Variants in APBA1 observed in about 807,000 individuals in gnomAD.
APBA1 encodes the protein amyloid-beta A4 precursor protein-binding family A member 1.
A neutral mutation model predicts 86.6 loss-of-function variants in APBA1; 55 were observed. The ratio of observed to expected loss-of-function variants is 0.64; its 90% CI spans 0.51 to 0.80. The LOEUF (loss-of-function observed/expected upper bound fraction) is 0.80, where lower values mean the gene tolerates loss of function less well. Ranked by LOEUF, APBA1 falls within the 30% of genes least tolerant of loss-of-function variation. APBA1 has a pLI of 0.00. For synonymous variants in APBA1, 511 were observed against 493.9 expected (o/e 1.03, Z -0.46); for missense variants, 1,090 against 1,183.0 (o/e 0.92, Z 1.15).
At chr9:69,621,662 G>A (rs768297956) in intron 1 of APBA1, among the ~76,000 whole-genome samples, 1 of 150,148 alleles carries the variant, frequency 6.7e-6, no homozygotes, top group Non-Finnish European at 1.5e-5. Context: ...CAGCAGTTGT[G>A]GGATCAAATA....
intron 2 of APBA1, among the ~76,000 whole-genome samples, chr9:69,515,749 G>A (rs909093842): frequency 1.5e-4 from 23 of 150,106 alleles, no homozygotes; most frequent in African/African-American, 4.7e-4. Context: ...TTCTCACAAG[G>A]TCTCCAGGCA....
At chr9:69,564,178 A>G (rs1301960552) in intron 1 of APBA1, among the ~76,000 whole-genome samples, 1 of 152,164 alleles carries the variant, frequency 6.6e-6, no homozygotes, top group African/African-American at 2.4e-5. Flanking sequence ...CTCATACCCA[A>G]ATGCAGTTAA....
rs570200777 is a variant in APBA1 at position 69,561,204 on chromosome 9, G to A, written c.-69-43925C>T. Among the ~76,000 whole-genome samples the A allele has an allele frequency of 9.2e-5, 14 of 152,286 alleles. No individual in the cohort carries two copies. The South Asian group carries it at 2.7e-3, about 29-fold the overall frequency. On this transcript the variant is annotated intron_variant, in intron 1 of 12. Transcript: ENST00000265381. ...ATGAGATAAAGGCTTGCCCCAGAAC[G>A]TAAATCAATGCATGTGCTTCTTTCA...
intron 2 of APBA1, among the ~76,000 whole-genome samples, chr9:69,511,742 C>A (rs1836046240): frequency 6.6e-6 from 1 of 151,580 alleles, no homozygotes; most frequent in South Asian, 2.1e-4. Flanking sequence ...ACTATGCAGC[C>A]ATAAAAAATG....
chr9:69,523,364 A>G (rs776872881), intron 1 of APBA1, among the ~76,000 whole-genome samples: 13 of 151,370 alleles, frequency 8.6e-5, no homozygotes, highest in Non-Finnish European at 1.8e-4. Flanking sequence ...ATCTTAACAC[A>G]GAGAGAAGTT....
chr9:69,519,521 A>C (rs1202451627), intron 1 of APBA1, among the ~76,000 whole-genome samples: 9 of 152,264 alleles, frequency 5.9e-5, no homozygotes, highest in Admixed American at 5.9e-4. Flanking sequence ...CCTTCATTAA[A>C]TCTACATTGG....
rs994646013 is a variant in APBA1, at chr9:69,620,676, C to CA, written c.-70+51476dup. Among the ~76,000 whole-genome samples, 18 of 151,414 alleles carry CA rather than the reference C, an allele frequency of 1.2e-4. No homozygotes were observed. The South Asian group carries it at 1.5e-3, about 12-fold the overall frequency. On this transcript the variant is annotated intron_variant, in intron 1 of 12. Transcript: ENST00000265381. ...TGGGCGACAGAGCGAGACTCCATCT[C>CA]AAAAAAAACAAAACAAAACTGAGAG...
intron 2 of APBA1, among the ~76,000 whole-genome samples, chr9:69,498,836 T>C (rs958259319): frequency 1.3e-5 from 2 of 152,160 alleles, no homozygotes; most frequent in Non-Finnish European, 1.5e-5. Context: ...ATGTAGCTAG[T>C]GTTCAATGAA....
intron 8 of APBA1, among the ~76,000 whole-genome samples, chr9:69,454,081 G>A (rs1363738507): frequency 6.6e-6 from 1 of 152,182 alleles, no homozygotes; most frequent in Non-Finnish European, 1.5e-5. Flanking sequence ...CTAGAGCGGT[G>A]TTTTAAAAAC....
rs903486742 is a variant in APBA1 at position 69,541,260 on chromosome 9, C to A, written c.-69-23981G>T. Among the ~76,000 whole-genome samples, 5 of 146,252 alleles carry A rather than the reference C, an allele frequency of 3.4e-5. No individual in the cohort carries two copies. The East Asian group carries it at 1.0e-3, about 30-fold the overall frequency. On this transcript the variant is annotated intron_variant, in intron 1 of 12. Coordinates refer to ENST00000265381, the MANE Select transcript of APBA1 (RefSeq NM_001163.4). ...TTTAATTGTTTTAGGGACCCCCCCC[C>A]CCATTCTGTTTTCTATATCAGCCGA...
chr9:69,621,561 T>A (rs947383238), intron 1 of APBA1, among the ~76,000 whole-genome samples: 2 of 152,252 alleles, frequency 1.3e-5, no homozygotes, highest in Admixed American at 6.5e-5. Context: ...ACTTATTAAC[T>A]GTGGGTCTAT....
chr9:69,517,273 C>A lies in APBA1; in HGVS notation c.-63G>T. On this transcript the variant is annotated 5_prime_UTR_variant, in exon 2 of 13. Coordinates refer to ENST00000265381, the MANE Select transcript of APBA1 (RefSeq NM_001163.4). The stretch of plus-strand genomic sequence containing the variant: ...GGCTCACTGCGCTCTCATTTTGCTC[C>A]ACTGGGCTGGAAAAACAAGAAGGGG... 7.1e-7 allele frequency: 1 copy of A among 1,410,878 alleles called. No individual in the cohort carries two copies. The highest frequency in any genetic ancestry group is 9.2e-7 in the Non-Finnish European group (1 of 1,086,058). 87.4% of individuals were successfully genotyped at this position (1,410,878 alleles called of 1,614,324 possible). A position where few individuals can be genotyped will look rare whatever the true frequency, so the allele number is the denominator to read the frequency against.
At chr9:69,484,094 A>G (rs1835568912) in intron 2 of APBA1, among the ~76,000 whole-genome samples, 1 of 152,060 alleles carries the variant, frequency 6.6e-6, no homozygotes, top group South Asian at 2.1e-4. Context: ...CCCCAGGGAA[A>G]CTGGTGCAGC....
chr9:69,671,928 G>C (rs1477584064), intron 1 of APBA1, among the ~76,000 whole-genome samples: 3 of 152,130 alleles, frequency 2.0e-5, no homozygotes, highest in Non-Finnish European at 4.4e-5. Flanking sequence ...AGCGGGCACC[G>C]GACCCCAGGC....
rs1211923814 is a variant in APBA1 at position 69,517,149 on chromosome 9, A to C, written c.62T>G (p.Val21Gly). 2 of 1,559,348 alleles carry C rather than the reference A, an allele frequency of 1.3e-6. No individual in the cohort carries two copies. Among genetic ancestry groups the C allele is most frequent in the South Asian group, 1.2e-5 (1 of 83,620 alleles). Residue 21 changes from valine (V) to glycine (G), a missense_variant, in exon 2 of 13, where the codon GTG (valine) becomes GGG (glycine). By Grantham distance (109) the Val-to-Gly change is moderately radical. Around this residue, in one of 6 missense-constraint regions of APBA1, gnomAD observed 678 missense variants for 647.1 expected, o/e 1.05. Transcript: ENST00000265381. ...EVTDEAAGGE[V>G]NESVEADLEH... ...CAGGTCGGCCTCCACCGACTCGTTC[A>C]CCTCCCCACCTGCCGCCTCGTCGGT...
At chr9:69,600,452 T>C (rs1215511627) in intron 1 of APBA1, among the ~76,000 whole-genome samples, 1 of 152,150 alleles carries the variant, frequency 6.6e-6, no homozygotes, top group African/African-American at 2.4e-5. Context: ...ACAGCCCAAG[T>C]CTAGCTCAAC....
At position 69,517,144 on chromosome 9, in the gene APBA1, C is replaced by T. The variant is rs1251151180; in HGVS notation, c.67G>A (p.Glu23Lys). ...TDEAAGGEVN[E>K]SVEADLEHPE... ...TGCTCCAGGTCGGCCTCCACCGACTCGTTCACCTCCCCACCTGCCGCCTCG... is the reference window on the plus strand; with the variant it reads ...TGCTCCAGGTCGGCCTCCACCGACTTGTTCACCTCCCCACCTGCCGCCTCG... Residue 23 changes from glutamate (E) to lysine (K), a missense_variant, in exon 2 of 13, where the codon GAG becomes AAG. Around this residue, in one of 6 missense-constraint regions of APBA1, gnomAD observed 678 missense variants for 647.1 expected, o/e 1.05. Transcript: ENST00000265381. The T allele has an allele frequency of 3.8e-6, 6 of 1,567,118 alleles. No homozygotes were observed. Among genetic ancestry groups the T allele is most frequent in the Non-Finnish European group, 5.2e-6 (6 of 1,157,676 alleles).
chr9:69,528,892 C>T (rs901420023), intron 1 of APBA1, among the ~76,000 whole-genome samples: 5 of 151,946 alleles, frequency 3.3e-5, no homozygotes, highest in Admixed American at 6.6e-5. Context: ...AGGCAAATAA[C>T]GAATTGAACA....
Position 69,626,809 on chromosome 9 carries a change from C to T in APBA1, c.-70+45344G>A, listed in dbSNP as rs1822943554. Among the ~76,000 whole-genome samples, 3 of 151,510 alleles carry T rather than the reference C, an allele frequency of 2.0e-5. No individual in the cohort carries two copies. The South Asian group carries it at 6.3e-4, about 32-fold the overall frequency. Reference sequence around the variant, plus strand: ...CATTGCTATCCACAAAAGCCAATGGCATCTTGGCCCATATTTATTTACCTA... The same window carrying T: ...CATTGCTATCCACAAAAGCCAATGGTATCTTGGCCCATATTTATTTACCTA... On this transcript the variant is annotated intron_variant, in intron 1 of 12. Coordinates refer to ENST00000265381, the MANE Select transcript of APBA1 (RefSeq NM_001163.4).
Sources: allele counts gnomAD v4.1 joint callset (sites outside exome capture counted in the v4.1 genomes callset), GRCh38; gene constraint gnomAD v4.1.1; regional missense constraint gnomAD v4.1.1; transcripts MANE v1.5; gene names NCBI Gene and HGNC (gene_info 2026-07-23, HGNC 2026-07-21).